Variants in BRCA1 observed in about 807,000 individuals in gnomAD.
The protein encoded by BRCA1 is breast cancer type 1 susceptibility protein.
BRCA1 carries 140 observed loss-of-function variants against 173.7 expected under a neutral mutation model. The ratio of observed to expected loss-of-function variants is 0.81; its 90% CI spans 0.70 to 0.93. BRCA1 has a LOEUF of 0.93. BRCA1 is among the 40% of genes least tolerant of loss of function. The probability of loss-of-function intolerance (pLI) is 0.00; values close to 1 mark genes in which losing one functional copy is unlikely to be tolerated. For missense variants in BRCA1, 1,983 were observed against 2,172.5 expected, an observed-to-expected ratio of 0.91 and a Z score of 1.73; for synonymous variants, 662 against 756.0, an observed-to-expected ratio of 0.88 and a Z score of 2.04.
intron 15 of BRCA1, among the ~76,000 whole-genome samples, chr17:43,069,123 G>A (rs1439516348): frequency 6.6e-6 from 1 of 152,148 alleles, no homozygotes; most frequent in Admixed American, 6.6e-5. Flanking sequence ...CTGCCACAGG[G>A]CACTGAAAAA....
At position 43,047,531 on chromosome 17, in the gene BRCA1, C is replaced by G. The variant is rs993799118; in HGVS notation, c.5467+112G>C. ...AAAGACATTTTAGCCATTCATTCAA[C>G]AAATATTTAAAATGTGCCAAGAACT... On this transcript the variant is annotated intron_variant, in intron 22 of 22. Coordinates refer to ENST00000357654, the MANE Select transcript of BRCA1 (RefSeq NM_007294.4). 21 of 1,097,412 alleles carry G rather than the reference C, an allele frequency of 1.9e-5. No homozygotes were observed. In the African/African-American group the frequency reaches 2.9e-4, roughly 15 times the overall value. 68.0% of individuals were successfully genotyped at this position (1,097,412 alleles called of 1,614,324 possible). A position where few individuals can be genotyped will look rare whatever the true frequency, so the allele number is the denominator to read the frequency against.
In BRCA1 at chr17:43,104,314, A is replaced by C. The variant is rs950900588; in HGVS notation, c.302-53T>G. 6 of 1,568,058 alleles carry C rather than the reference A, an allele frequency of 3.8e-6. No individual in the cohort carries two copies. In the South Asian group the frequency reaches 6.7e-5, roughly 18 times the overall value. On this transcript the variant is annotated intron_variant, in intron 5 of 22. Coordinates refer to ENST00000357654, the MANE Select transcript of BRCA1 (RefSeq NM_007294.4). ...TTTGCAGTTAGAGAAAAATGTATGA[A>C]TTATAATCAAAGAAACCAAGAGAAA...
At chr17:43,082,362 G>T (rs745366396) in intron 12 of BRCA1, 42 bp downstream of exon 12, 49 of 1,597,244 alleles carry the variant, frequency 3.1e-5, no homozygotes, top group Non-Finnish European at 3.9e-5. Context: ...GGGAAGGAAA[G>T]AATTTTGCTT....
chr17:43,147,061 A>G (rs148491282), intron 1 of BRCA1, among the ~76,000 whole-genome samples: 8,645 of 151,946 alleles, frequency 0.057, 341 homozygotes, highest in Non-Finnish European at 0.077. Context: ...CTAGAGTGCA[A>G]TGGCGTGATC....
intron 22 of BRCA1, among the ~76,000 whole-genome samples, chr17:43,046,031 C>T (rs1567756986): frequency 6.6e-6 from 1 of 151,246 alleles, no homozygotes; most frequent in Admixed American, 6.6e-5. Context: ...AAGCAATTCT[C>T]CTGTCTCTGC....
chr17:43,059,442 A>T (rs1414333421), intron 18 of BRCA1, among the ~76,000 whole-genome samples: 1 of 151,818 alleles, frequency 6.6e-6, no homozygotes, highest in Non-Finnish European at 1.5e-5. Flanking sequence ...CATGCACTCT[A>T]GCCTGGGCAA....
At chr17:43,128,713 T>C (rs1217282750), upstream of BRCA1, among the ~76,000 whole-genome samples, 1 of 152,000 alleles carries the variant, frequency 6.6e-6, no homozygotes, top group Non-Finnish European at 1.5e-5. Context: ...CTCATCCCAT[T>C]CTCCTTTTTT....
intron 1 of BRCA1, among the ~76,000 whole-genome samples, chr17:43,139,457 C>T (rs1435405613): frequency 6.6e-6 from 1 of 151,836 alleles, no homozygotes; most frequent in East Asian, 1.9e-4. Flanking sequence ...CCCAGGTTTA[C>T]GCCATTCTTC....
chr17:43,079,736 G>C, intron 12 of BRCA1: 1 of 1,423,824 alleles, frequency 7.0e-7, no homozygotes, highest in Non-Finnish European at 9.9e-7. Context: ...CAATGGGAAG[G>C]AGCCTGAGCA....
intron 11 of BRCA1, 195 bp from the exon 12 acceptor site, chr17:43,082,770 G>A (rs2053080605): frequency 1.6e-6 from 1 of 630,636 alleles, no homozygotes; most frequent in Non-Finnish European, 2.7e-6. Flanking sequence ...TCCAAATGAT[G>A]TTAGTGAGGG....
At chr17:43,154,684 G>A (rs1437260035) in intron 1 of BRCA1, among the ~76,000 whole-genome samples, 2 of 75,356 alleles carry the variant, frequency 2.7e-5, no homozygotes, top group African/African-American at 7.2e-5. Context: ...TGTTTATTAA[G>A]TATCTACTAC....
At chr17:43,126,761 C>T (rs1406657350), upstream of BRCA1, among the ~76,000 whole-genome samples, 2 of 150,458 alleles carry the variant, frequency 1.3e-5, no homozygotes, top group Non-Finnish European at 1.5e-5. Flanking sequence ...CCCTTCAGCC[C>T]GCCACTGCGC....
At position 43,115,746 on chromosome 17, in the gene BRCA1, C is replaced by T. The variant is rs1800062; in HGVS notation, c.114G>A (p.Lys38=). Residue 38 remains lysine (K), a synonymous_variant, in exon 3 of 23, where the codon AAG becomes AAA. Transcript: ENST00000357654. ...LELIKEPVST[K]CDHIFCKFCM... ...CTTACTTGCAAAATATGTGGTCACACTTTGTGGAGACAGGTTCCTTGATCA... is the reference window on the plus strand; with the variant it reads ...CTTACTTGCAAAATATGTGGTCACATTTTGTGGAGACAGGTTCCTTGATCA... 3,222 of 1,613,626 alleles carry T rather than the reference C, an allele frequency of 2.0e-3. 89 individuals are homozygous for T. The East Asian group carries it at 0.054, about 27-fold the overall frequency.
intron 1 of BRCA1, chr17:43,139,806 C>G (rs760685553): frequency 3.7e-5 from 17 of 457,634 alleles, no homozygotes; most frequent in South Asian, 2.6e-4. Flanking sequence ...GTTTTCTGTT[C>G]CTTTCTTAGT....
rs1230454467 is a variant in BRCA1, at chr17:43,142,978, GTGTA to G, written c.-19-18867_-19-18864del. ...TGTGTGTGTGTGTGTATATATATGT[GTGTA>G]TATATATATGTATATATGTATATAT... On this transcript the variant is annotated intron_variant, in intron 1 of 7. Coordinates refer to the BRCA1 transcript ENST00000634433. Among the ~76,000 whole-genome samples the G allele has an allele frequency of 1.8e-3, 239 of 133,838 alleles. 1 individual carries two copies. Among genetic ancestry groups the G allele is most frequent in the South Asian group, 0.016 (64 of 3,916 alleles). 87.8% of individuals were successfully genotyped at this position (133,838 alleles called of 152,430 possible).
chr17:43,100,683 A>ATG (rs1567807807), intron 6 of BRCA1, among the ~76,000 whole-genome samples: 1 of 72,218 alleles, frequency 1.4e-5, no homozygotes, highest in African/African-American at 1.7e-4. Flanking sequence ...TATATAATAT[A>ATG]TATATATATA....
intron 1 of BRCA1, among the ~76,000 whole-genome samples, chr17:43,143,022 GTA>G (rs773152193): frequency 6.7e-6 from 1 of 148,598 alleles, no homozygotes; most frequent in African/African-American, 2.5e-5. Context: ...GCATATATAT[GTA>G]TATATGTGTG....
At chr17:43,063,189 T>C in intron 18 of BRCA1, 144 bp downstream of exon 18, 1 of 749,126 alleles carries the variant, frequency 1.3e-6, no homozygotes, top group African/African-American at 1.7e-5. Flanking sequence ...AGTGCAGGCC[T>C]GCATAATTCT....
At chr17:43,163,925 G>C (rs2056251548) in intron 1 of BRCA1, 2 of 152,266 alleles carry the variant, frequency 1.3e-5, no homozygotes, top group Admixed American at 1.3e-4. Context: ...AGCAGAGAGA[G>C]CTTGGCATGA....
Sources: allele counts gnomAD v4.1 joint callset (sites outside exome capture counted in the v4.1 genomes callset), GRCh38; gene constraint gnomAD v4.1.1; transcripts MANE v1.5; gene names NCBI Gene and HGNC (gene_info 2026-07-23, HGNC 2026-07-21).